Variants in CPNE5 observed in about 807,000 individuals in gnomAD.
CPNE5 encodes copine 5.
In CPNE5, 42 loss-of-function variants were observed where a neutral mutation model predicts 81.1. The ratio of observed to expected loss-of-function variants is 0.52; its 90% confidence interval spans 0.40 to 0.67. The LOEUF is 0.67. Ranked by LOEUF, CPNE5 falls within the 30% of genes least tolerant of loss-of-function variation. The pLI is 0.00. For missense variants in CPNE5, 612 were observed against 815.5 expected, an observed-to-expected ratio of 0.75 and a Z score of 3.04; for synonymous variants, 313 against 321.5, an observed-to-expected ratio of 0.97 and a Z score of 0.28.
chr6:36,746,608 A>T lies in CPNE5; in HGVS notation c.1019-31T>A. On this transcript the variant is annotated intron_variant, in intron 15 of 20. Transcript: ENST00000244751. This position sits in a 1 kb window ranked among gnomAD's most constrained non-coding sequence, Gnocchi z 4.5. The stretch of plus-strand genomic sequence containing the variant: ...ACACAGGACATGGGAGCCTTTGACC[A>T]TCTGGACCCTCCAAGTCACCCCGGG... 1 of 1,585,926 alleles carries T rather than the reference A, an allele frequency of 6.3e-7. No individual in the cohort carries two copies. Among genetic ancestry groups the T allele is most frequent in the Non-Finnish European group, 8.5e-7 (1 of 1,169,854 alleles).
At chr6:36,761,232 C>A (rs937349043) in intron 12 of CPNE5, among the ~76,000 whole-genome samples, 1 of 152,212 alleles carries the variant, frequency 6.6e-6, no homozygotes, top group Non-Finnish European at 1.5e-5. Flanking sequence ...GGAGCGGGGA[C>A]AAAGACAGCT....
At chr6:36,812,885 T>A (rs868009974) in intron 3 of CPNE5, among the ~76,000 whole-genome samples, 8 of 152,188 alleles carry the variant, frequency 5.3e-5, no homozygotes, top group African/African-American at 7.2e-5. Flanking sequence ...GGAGTCCACC[T>A]CTTAGAGAGG....
At chr6:36,790,945 T>C (rs2150504607) in intron 8 of CPNE5, among the ~76,000 whole-genome samples, 1 of 152,354 alleles carries the variant, frequency 6.6e-6, no homozygotes, top group African/African-American at 2.4e-5. Flanking sequence ...TACATTAAAA[T>C]TCTGTTTAAA....
intron 3 of CPNE5, among the ~76,000 whole-genome samples, chr6:36,808,091 C>CT (rs1770757555): frequency 7.5e-6 from 1 of 134,200 alleles, no homozygotes; most frequent in Non-Finnish European, 1.6e-5. Context: ...GATTTCTTTT[C>CT]TTTTTTCTTT....
At position 36,746,496 on chromosome 6, in the gene CPNE5, C is replaced by T. The variant is rs1764182258; in HGVS notation, c.1100G>A (p.Gly367Glu). ...NAYALALTAV[G>E]EIIQHYDSDK... is the part of the protein sequence containing the mutation. Reference sequence around the variant, plus strand: ...ACTGTCGTAGTGCTGGATGATCTCTCCGACGGCAGTCAGCGCCAGCGCGTA... The same window carrying T: ...ACTGTCGTAGTGCTGGATGATCTCTTCGACGGCAGTCAGCGCCAGCGCGTA... Residue 367 changes from glycine (G) to glutamate (E), a missense_variant, in exon 16 of 21, where the codon GGA (glycine) becomes GAA (glutamate). Gly to Glu is a moderately conservative substitution (Grantham distance 98, BLOSUM62 -2). Coordinates refer to ENST00000244751, the MANE Select transcript of CPNE5 (RefSeq NM_020939.2). This position sits in a 1 kb window ranked among gnomAD's most constrained non-coding sequence, Gnocchi z 4.5. The T allele has an allele frequency of 6.2e-7, 1 of 1,613,828 alleles. No individual in the cohort carries two copies. Among genetic ancestry groups the T allele is most frequent in the Non-Finnish European group, 8.5e-7 (1 of 1,179,800 alleles).
chr6:36,762,600 G>A (rs372807708), intron 12 of CPNE5, among the ~76,000 whole-genome samples: 1 of 152,120 alleles, frequency 6.6e-6, no homozygotes, highest in African/African-American at 2.4e-5. Context: ...CAGAACCTTC[G>A]TATACTGGCT....
chr6:36,794,602 G>A lies in CPNE5; in HGVS notation c.452C>T (p.Ala151Val), dbSNP rs958884485. 23 of 1,613,980 alleles carry A rather than the reference G, an allele frequency of 1.4e-5. No homozygotes were observed. Among genetic ancestry groups the A allele is most frequent in the Non-Finnish European group, 1.9e-5 (22 of 1,179,984 alleles). ...LNSRTGKPMP[A>V]VSNGGVPGKK... ...TCTGGCAACGTACCCGTTGGACACA[G>A]CTGGCATGGGTTTGCCCGTCCTGGA... is the stretch of plus-strand genomic sequence containing the variant. The change falls in exon 7 of 21, where the codon GCT becomes GTT. Residue 151 changes from alanine (A) to valine (V), a missense_variant. Physicochemically the swap from Ala to Val is moderately conservative, Grantham distance 64 (BLOSUM62 0). Transcript: ENST00000244751.
At position 36,786,971 on chromosome 6, in the gene CPNE5, T is replaced by C. The variant is rs183431419; in HGVS notation, c.528+5062A>G. Among the ~76,000 whole-genome samples the C allele has an allele frequency of 7.6e-3, 1,160 of 152,322 alleles. 7 individuals carry two copies. The highest frequency in any genetic ancestry group is 0.013 in the African/African-American group (545 of 41,568). On this transcript the variant is annotated intron_variant, in intron 8 of 20. Transcript: ENST00000244751. ...AGAAATGCTTTTGCTTTGTTTTGGC[T>C]TTTTAAAAGCCAGATAGATTATTTC...
chr6:36,768,220 C>G (rs1234285248), intron 10 of CPNE5, among the ~76,000 whole-genome samples: 1 of 67,016 alleles, frequency 1.5e-5, no homozygotes, highest in South Asian at 5.5e-4. Context: ...ACTCTATTCA[C>G]AGTTCTTTTT....
chr6:36,824,957 A>G (rs1772374935), intron 1 of CPNE5, among the ~76,000 whole-genome samples: 1 of 152,160 alleles, frequency 6.6e-6, no homozygotes, highest in Non-Finnish European at 1.5e-5. Flanking sequence ...ACAACAAAAC[A>G]AAACAAACAA....
At chr6:36,789,752 G>A (rs1031659293) in intron 8 of CPNE5, among the ~76,000 whole-genome samples, 8 of 152,138 alleles carry the variant, frequency 5.3e-5, no homozygotes, top group African/African-American at 1.9e-4. Flanking sequence ...TGAACACTCG[G>A]TCTGTGCTTC....
intron 2 of CPNE5, among the ~76,000 whole-genome samples, 164 bp from the exon 3 acceptor site, chr6:36,822,324 C>A (rs912149520): frequency 6.6e-6 from 1 of 151,972 alleles, no homozygotes; most frequent in African/African-American, 2.4e-5. Context: ...TGGCTGAGAT[C>A]TTGGTGAGTG....
intron 8 of CPNE5, among the ~76,000 whole-genome samples, chr6:36,782,199 A>G (rs1291272204): frequency 1.3e-5 from 2 of 152,068 alleles, no homozygotes; most frequent in Admixed American, 1.3e-4. Context: ...CATCATCATG[A>G]TCTCGCACGA....
chr6:36,756,442 G>A (rs965449143), intron 12 of CPNE5, 144 bp from the exon 13 acceptor site: 6 of 646,900 alleles, frequency 9.3e-6, no homozygotes, highest in Non-Finnish European at 1.6e-5. Context: ...AGGGGAGAAG[G>A]GTTTAAGGAG....
At chr6:36,828,355 G>A (rs1186324201) in intron 1 of CPNE5, among the ~76,000 whole-genome samples, 1 of 150,202 alleles carries the variant, frequency 6.7e-6, no homozygotes, top group Non-Finnish European at 1.5e-5. Flanking sequence ...AGGCTGGGGT[G>A]TACCATCCGA....
At chr6:36,801,607 T>G (rs759815436) in intron 3 of CPNE5, among the ~76,000 whole-genome samples, 1 of 152,224 alleles carries the variant, frequency 6.6e-6, no homozygotes, top group African/African-American at 2.4e-5. Flanking sequence ...GCATTTACAA[T>G]AGACTATCAT....
intron 9 of CPNE5, among the ~76,000 whole-genome samples, chr6:36,776,274 A>G (rs574830124): frequency 2.6e-5 from 4 of 152,370 alleles, no homozygotes; most frequent in African/African-American, 7.2e-5. Context: ...GGCTCCACCC[A>G]TACCCACACA....
chr6:36,766,916 C>G lies in CPNE5; in HGVS notation c.738-1540G>C, dbSNP rs1009071439. 1.3e-5 allele frequency among the ~76,000 whole-genome samples: 2 copies of G among 152,138 alleles called. No individual in the cohort carries two copies. Among genetic ancestry groups the G allele is most frequent in the Non-Finnish European group, 2.9e-5 (2 of 68,020 alleles). ...TGTTGCCCAGGCTGGAGTGCAATGG[C>G]GTGATCTCGGCTCATTGCAACCTCC... On this transcript the variant is annotated intron_variant, in intron 10 of 20. Coordinates refer to ENST00000244751, the MANE Select transcript of CPNE5 (RefSeq NM_020939.2). The surrounding 1 kb of genome is among the most constrained non-coding windows in gnomAD (Gnocchi z 4.2).
At chr6:36,747,140 G>A (rs1764262092) in intron 15 of CPNE5, among the ~76,000 whole-genome samples, 1 of 152,008 alleles carries the variant, frequency 6.6e-6, no homozygotes, top group East Asian at 1.9e-4. Flanking sequence ...CCGCTCCCTG[G>A]CCTCTTCAGG....
Sources: allele counts gnomAD v4.1 joint callset (sites outside exome capture counted in the v4.1 genomes callset), GRCh38; gene constraint gnomAD v4.1.1; non-coding constraint Gnocchi (gnomAD v3.1); transcripts MANE v1.5; gene names NCBI Gene and HGNC (gene_info 2026-07-23, HGNC 2026-07-21).